Variants in ADAM22 observed in about 807,000 individuals in gnomAD.
The protein encoded by ADAM22 is ADAM metallopeptidase domain 22, also known as disintegrin and metalloproteinase domain-containing protein 22.
ADAM22 carries 65 observed loss-of-function variants against 144.6 expected under a neutral mutation model. The observed-to-expected ratio is 0.45, with a 90% CI of 0.37 to 0.55. The LOEUF is 0.55. Ranked by LOEUF, ADAM22 falls within the 20% of genes least tolerant of loss-of-function variation. The pLI is 0.00. For synonymous variants in ADAM22, 391 were observed against 412.6 expected, an observed-to-expected ratio of 0.95 and a Z score of 0.63; for missense variants, 974 against 1,184.9, an observed-to-expected ratio of 0.82 and a Z score of 2.61.
Position 87,982,670 on chromosome 7 carries a change from C to CATATATATATATATATATATAT in ADAM22, c.323+4266_323+4287dup, listed in dbSNP as rs3086405. On this transcript the variant is annotated intron_variant, in intron 3 of 31. Coordinates refer to ENST00000413139, the MANE Select transcript of ADAM22 (RefSeq NM_001324418.2). ...ATTTATTCATCAGATTCAGTTATTACATATATATATATATATATATATATA... is the reference window on the plus strand; with the variant it reads ...ATTTATTCATCAGATTCAGTTATTACATATATATATATATATATATATATATATATATATATATATATATATA... Among the ~76,000 whole-genome samples the CATATATATATATATATATATAT allele has an allele frequency of 1.8e-3, 70 of 38,064 alleles. 2 individuals carry two copies. Among genetic ancestry groups the CATATATATATATATATATATAT allele is most frequent in the South Asian group, 3.5e-3 (3 of 850 alleles). 25.0% of individuals were successfully genotyped at this position (38,064 alleles called of 152,430 possible). A position where few individuals can be genotyped will look rare whatever the true frequency, so the allele number is the denominator to read the frequency against.
At chr7:88,187,122 A>T (rs546962119) in intron 30 of ADAM22, among the ~76,000 whole-genome samples, 1 of 152,286 alleles carries the variant, frequency 6.6e-6, no homozygotes, top group Admixed American at 6.5e-5. Flanking sequence ...GCATACAAAA[A>T]CTCACGGAAA....
At chr7:88,017,817 G>C (rs1252662271) in intron 3 of ADAM22, among the ~76,000 whole-genome samples, 1 of 151,920 alleles carries the variant, frequency 6.6e-6, no homozygotes, top group South Asian at 2.1e-4. Context: ...ATATATGTGT[G>C]TGTGTGTATA....
chr7:88,195,633 A>T (rs961609858), intron 31 of ADAM22, among the ~76,000 whole-genome samples: 2 of 152,004 alleles, frequency 1.3e-5, no homozygotes, highest in Non-Finnish European at 2.9e-5. Flanking sequence ...CTCCTGCCTC[A>T]GCCTCCCGAG....
rs76394421 is a variant in ADAM22 at position 88,074,080 on chromosome 7, A to G, written c.324-1546A>G. 3.9e-5 allele frequency among the ~76,000 whole-genome samples: 6 copies of G among 152,308 alleles called. No homozygotes were observed. In the East Asian group the frequency reaches 1.2e-3, roughly 29 times the overall value. On this transcript the variant is annotated intron_variant, in intron 3 of 31. Coordinates refer to ENST00000413139, the MANE Select transcript of ADAM22 (RefSeq NM_001324418.2). ...ATGCTACTGGCATCTATTAGGTAGAATCTAGGGATGCTAAGTGTGCTACAG... is the reference window on the plus strand; with the variant it reads ...ATGCTACTGGCATCTATTAGGTAGAGTCTAGGGATGCTAAGTGTGCTACAG...
At chr7:87,952,220 A>T (rs1438905368) in intron 2 of ADAM22, among the ~76,000 whole-genome samples, 6 of 151,734 alleles carry the variant, frequency 4.0e-5, no homozygotes, top group African/African-American at 1.5e-4. Flanking sequence ...GTCTTGTGCC[A>T]GTTTTCAAAG....
chr7:88,152,167 G>A (rs1004543974), intron 20 of ADAM22, among the ~76,000 whole-genome samples: 6 of 152,028 alleles, frequency 3.9e-5, no homozygotes, highest in Admixed American at 2.0e-4. Flanking sequence ...TTTGTACTCC[G>A]AAAAAAGATA....
intron 3 of ADAM22, among the ~76,000 whole-genome samples, chr7:88,004,831 A>G (rs540132401): frequency 6.6e-6 from 1 of 152,304 alleles, no homozygotes; most frequent in East Asian, 1.9e-4. Flanking sequence ...TGCCTCTCAG[A>G]TTAATGATTT....
At chr7:88,022,276 T>A (rs920993479) in intron 3 of ADAM22, among the ~76,000 whole-genome samples, 1 of 152,176 alleles carries the variant, frequency 6.6e-6, no homozygotes, top group Non-Finnish European at 1.5e-5. Flanking sequence ...CTCTGCTTTC[T>A]TAGAGTTCAG....
chr7:88,097,953 T>C (rs1821875263), intron 4 of ADAM22, among the ~76,000 whole-genome samples: 1 of 152,186 alleles, frequency 6.6e-6, no homozygotes, highest in African/African-American at 2.4e-5. Context: ...TCCACATTGA[T>C]TTTCCATTCT....
chr7:87,995,525 A>G (rs1790962960), intron 3 of ADAM22, among the ~76,000 whole-genome samples: 1 of 152,196 alleles, frequency 6.6e-6, no homozygotes, highest in Non-Finnish European at 1.5e-5. Context: ...CATAGACCAA[A>G]TGGTGCAGTG....
At chr7:88,067,647 C>T (rs933456791) in intron 3 of ADAM22, among the ~76,000 whole-genome samples, 8 of 152,110 alleles carry the variant, frequency 5.3e-5, no homozygotes, top group East Asian at 3.9e-4. Context: ...GCTGCAAAGC[C>T]GGCTTGGAAA....
chr7:88,166,697 A>T (rs1217277392), intron 24 of ADAM22, among the ~76,000 whole-genome samples: 1 of 152,210 alleles, frequency 6.6e-6, no homozygotes, highest in Non-Finnish European at 1.5e-5. Flanking sequence ...TTTAGCTAAT[A>T]TGACTTTTAT....
chr7:88,125,786 C>A, intron 8 of ADAM22, 127 bp downstream of exon 8: 1 of 677,360 alleles, frequency 1.5e-6, no homozygotes. Context: ...TGTGATAAAC[C>A]GTAAGGGTGA....
chr7:87,954,043 C>T (rs1207091873), intron 2 of ADAM22, among the ~76,000 whole-genome samples: 1 of 151,904 alleles, frequency 6.6e-6, no homozygotes, highest in Non-Finnish European at 1.5e-5. Flanking sequence ...TGTCTCTGCC[C>T]GTGAGATGGG....
chr7:87,981,156 A>C (rs1562910929), intron 3 of ADAM22, among the ~76,000 whole-genome samples: 1 of 152,138 alleles, frequency 6.6e-6, no homozygotes, highest in Non-Finnish European at 1.5e-5. Flanking sequence ...GATCCTTTAC[A>C]ACAGAGGACC....
intron 3 of ADAM22, among the ~76,000 whole-genome samples, chr7:88,039,464 A>AAAAAAAAAAAAAAAAAATAT: frequency 6.5e-5 from 5 of 76,404 alleles, no homozygotes; most frequent in African/African-American, 1.4e-4. Flanking sequence ...AAAAAAAAAA[A>AAAAAAAAAAAAAAAAAATAT]ATATATATAT....
At chr7:88,088,475 C>T (rs1244548058) in intron 4 of ADAM22, among the ~76,000 whole-genome samples, 4 of 146,336 alleles carry the variant, frequency 2.7e-5, no homozygotes, top group Admixed American at 1.4e-4. Context: ...CTGCCTTAAT[C>T]GTTTAGTTTT....
chr7:88,167,366 G>A (rs1843185314), intron 24 of ADAM22, among the ~76,000 whole-genome samples: 1 of 152,130 alleles, frequency 6.6e-6, no homozygotes, highest in African/African-American at 2.4e-5. Context: ...ATTCTGCTGT[G>A]ATGATCCCCT....
chr7:87,966,720 C>CTTTTT (rs1562873898), intron 2 of ADAM22, among the ~76,000 whole-genome samples: 10 of 30,158 alleles, frequency 3.3e-4, no homozygotes, highest in Admixed American at 6.9e-4. Flanking sequence ...CAAGGAAAGC[C>CTTTTT]GTTTTTTTTT....
Sources: allele counts gnomAD v4.1 joint callset (sites outside exome capture counted in the v4.1 genomes callset), GRCh38; gene constraint gnomAD v4.1.1; transcripts MANE v1.5; gene names NCBI Gene and HGNC (gene_info 2026-07-23, HGNC 2026-07-21).